Variants in CYFIP2 observed in about 807,000 individuals in gnomAD.
The protein encoded by CYFIP2 is cytoplasmic FMR1-interacting protein 2.
Under a neutral mutation model 158.7 loss-of-function variants are expected in CYFIP2, and 29 were observed. That is an observed-to-expected ratio of 0.18 (90% CI 0.14 to 0.25). CYFIP2 has a LOEUF of 0.25. CYFIP2 is among the 10% of genes least tolerant of loss of function. CYFIP2 has a pLI of 1.00. For missense variants in CYFIP2, 852 were observed against 1,639.5 expected (o/e 0.52, Z 8.29); for synonymous variants, 585 against 617.6 (o/e 0.95, Z 0.78).
chr5:157,318,699 T>C (rs1217404579), intron 13 of CYFIP2, among the ~76,000 whole-genome samples: 1 of 152,242 alleles, frequency 6.6e-6, no homozygotes, highest in Non-Finnish European at 1.5e-5. Context: ...ACCCAGACAC[T>C]GGCAGTTGGG....
chr5:157,392,939 C>T lies in CYFIP2; in HGVS notation c.3701C>T (p.Thr1234Ile). 1 of 1,614,020 alleles carries T rather than the reference C, an allele frequency of 6.2e-7. No individual in the cohort carries two copies. Among genetic ancestry groups the T allele is most frequent in the Non-Finnish European group, 8.5e-7 (1 of 1,179,894 alleles). Residue 1234 changes from threonine (T) to isoleucine (I), a missense_variant, in exon 31 of 31, where the codon ACT becomes ATT. Around this residue, in one of 8 missense-constraint regions of CYFIP2, gnomAD observed 223 missense variants for 381.6 expected, o/e 0.58. Coordinates refer to ENST00000620254, the MANE Select transcript of CYFIP2 (RefSeq NM_001037333.3). ...YMKSVETDSS[T>I]VEHVRCFQPP... ...AAGTCCGTGGAGACAGACAGTTCCA[C>T]TGTGGAGCATGTGCGCTGCTTCCAG... is the stretch of plus-strand genomic sequence containing the variant.
intron 23 of CYFIP2, chr5:157,341,840 G>A (rs1332759264): frequency 1.3e-5 from 2 of 152,298 alleles, no homozygotes. Flanking sequence ...GGAGAGTACA[G>A]GCGTCTTCTC....
intron 23 of CYFIP2, among the ~76,000 whole-genome samples, chr5:157,348,112 G>A (rs1251551215): frequency 6.6e-6 from 1 of 152,272 alleles, no homozygotes; most frequent in African/African-American, 2.4e-5. Context: ...GGCCAGGTGA[G>A]CCCCAGCTAG....
rs1767550769 is a variant in CYFIP2, at chr5:157,393,957, A to G, written c.*957A>G. The G allele has an allele frequency of 6.6e-6, 1 of 152,194 alleles. No homozygotes were observed. Among genetic ancestry groups the G allele is most frequent in the Admixed American group, 6.5e-5 (1 of 15,284 alleles). The allele number at this position is 152,194 out of a possible 1,614,324, so 9.4% of individuals were successfully genotyped here. On this transcript the variant is annotated 3_prime_UTR_variant, in exon 31 of 31. Transcript: ENST00000620254. ...GGGGTTATTTCCACAGAAGCCCAAA[A>G]CGTCTTGGAAACACAGAGGTGAGGA...
At chr5:157,318,305 A>C (rs1760314381) in intron 13 of CYFIP2, among the ~76,000 whole-genome samples, 1 of 152,206 alleles carries the variant, frequency 6.6e-6, no homozygotes, top group Non-Finnish European at 1.5e-5. Context: ...TAGAGTTGTA[A>C]AGATTTTTCC....
At chr5:157,378,010 G>C (rs1765657103) in intron 26 of CYFIP2, among the ~76,000 whole-genome samples, 1 of 152,188 alleles carries the variant, frequency 6.6e-6, no homozygotes, top group African/African-American at 2.4e-5. Flanking sequence ...AAAAAGCAAA[G>C]GCACTGTGGG....
chr5:157,381,735 C>T (rs889797355), intron 26 of CYFIP2, among the ~76,000 whole-genome samples: 1 of 152,164 alleles, frequency 6.6e-6, no homozygotes, highest in African/African-American at 2.4e-5. Context: ...TGGCAGTGTT[C>T]CATCCATGCC....
intron 5 of CYFIP2, among the ~76,000 whole-genome samples, chr5:157,298,868 A>C (rs1037785674): frequency 2.0e-5 from 3 of 152,128 alleles, no homozygotes; most frequent in Admixed American, 2.0e-4. Flanking sequence ...TATGTTTTTA[A>C]AGCTCATCCA....
intron 23 of CYFIP2, among the ~76,000 whole-genome samples, chr5:157,348,424 A>AT (rs1474908795): frequency 4.0e-5 from 6 of 151,784 alleles, no homozygotes; most frequent in Non-Finnish European, 8.8e-5. Context: ...AATTATTATT[A>AT]TTTTTGAGCT....
intron 9 of CYFIP2, among the ~76,000 whole-genome samples, chr5:157,308,646 T>C (rs1319718803): frequency 1.3e-5 from 2 of 152,214 alleles, no homozygotes; most frequent in Non-Finnish European, 2.9e-5. Context: ...AGATCGAGCC[T>C]GAGTCCCACT....
At chr5:157,331,236 G>A (rs1199780370) in intron 20 of CYFIP2, among the ~76,000 whole-genome samples, 2 of 151,998 alleles carry the variant, frequency 1.3e-5, no homozygotes, top group Admixed American at 1.3e-4. Context: ...TGAAATGAAA[G>A]CATGTCAGGG....
intron 23 of CYFIP2, among the ~76,000 whole-genome samples, chr5:157,355,905 C>T (rs931228545): frequency 2.6e-5 from 4 of 152,162 alleles, no homozygotes; most frequent in Non-Finnish European, 5.9e-5. Flanking sequence ...CCTGTGCTGG[C>T]TGAAGCTGCA....
At chr5:157,383,638 C>G (rs531350200) in intron 28 of CYFIP2, 1 of 275,180 alleles carries the variant, frequency 3.6e-6, no homozygotes, top group East Asian at 6.4e-5. Flanking sequence ...TGGTAGATAT[C>G]AAGAATCTGT....
At chr5:157,340,216 A>T (rs1347741135) in intron 22 of CYFIP2, among the ~76,000 whole-genome samples, 1 of 152,246 alleles carries the variant, frequency 6.6e-6, no homozygotes, top group Non-Finnish European at 1.5e-5. Flanking sequence ...ATACAAAATA[A>T]GTATGTAAGG....
At chr5:157,312,722 A>G (rs1759837682) in intron 11 of CYFIP2, among the ~76,000 whole-genome samples, 1 of 152,242 alleles carries the variant, frequency 6.6e-6, no homozygotes, top group Non-Finnish European at 1.5e-5. Context: ...CCTCGTGGCC[A>G]TTAGACCATG....
intron 7 of CYFIP2, 162 bp downstream of exon 7, chr5:157,303,052 T>C: frequency 1.7e-6 from 1 of 593,806 alleles, no homozygotes; most frequent in South Asian, 2.2e-5. Flanking sequence ...CTTAAGTCTG[T>C]CCTCCCAACC....
rs999593337 is a variant in CYFIP2, at chr5:157,326,217, G to A, written c.2029G>A (p.Ala677Thr). Residue 677 changes from alanine (A) to threonine (T), a missense_variant, in exon 18 of 31, where the codon GCT becomes ACT. Transcript: ENST00000620254. ...TCTGTACAACGACAGCGCCTACTAT[G>A]CTCTGACCAAGTTTAAAAAGCAGTT... is the stretch of plus-strand genomic sequence containing the variant. ...LDLYNDSAYY[A>T]LTKFKKQFLY... The A allele has an allele frequency of 6.2e-7, 1 of 1,614,004 alleles. No individual in the cohort carries two copies. Among genetic ancestry groups the A allele is most frequent in the Non-Finnish European group, 8.5e-7 (1 of 1,179,872 alleles).
In CYFIP2 at chr5:157,285,373, C is replaced by T. The variant is rs776506102; in HGVS notation, c.12C>T (p.His4=). The stretch of plus-strand genomic sequence containing the variant: ...CAGAAACTGCAGCCATGACCACGCA[C>T]GTCACCCTGGAAGATGCCCTGTCCA... MTT[H]VTLEDALSNV... is the part of the protein sequence containing the mutation. The change falls in exon 2 of 31, where the codon CAC becomes CAT. Residue 4 remains histidine (H), a synonymous_variant. Transcript: ENST00000620254. 3.2e-5 allele frequency: 50 copies of T among 1,569,758 alleles called. No individual in the cohort carries two copies. In the South Asian group the frequency reaches 3.8e-4, roughly 12 times the overall value.
chr5:157,338,358 C>T (rs1175161947), intron 21 of CYFIP2, among the ~76,000 whole-genome samples: 1 of 152,224 alleles, frequency 6.6e-6, no homozygotes, highest in Admixed American at 6.5e-5. Context: ...AAGGGGCCTA[C>T]ACTCCAAAGG....
Sources: allele counts gnomAD v4.1 joint callset (sites outside exome capture counted in the v4.1 genomes callset), GRCh38; gene constraint gnomAD v4.1.1; regional missense constraint gnomAD v4.1.1; transcripts MANE v1.5; gene names NCBI Gene and HGNC (gene_info 2026-07-23, HGNC 2026-07-21).